Variants in FSD1 observed in about 807,000 individuals in gnomAD.
FSD1 encodes fibronectin type III and SPRY domain containing 1.
A neutral mutation model predicts 58.2 loss-of-function variants in FSD1; 23 were observed. The ratio of observed to expected loss-of-function variants is 0.40; its 90% confidence interval spans 0.28 to 0.56. The LOEUF is 0.56. Among genes scored for constraint, FSD1 ranks in the 20% least tolerant of loss-of-function variants. The probability of loss-of-function intolerance (pLI) is 0.54; values close to 1 mark genes in which losing one functional copy is unlikely to be tolerated. For missense variants in FSD1, 563 were observed against 670.8 expected (o/e 0.84, Z 1.78); for synonymous variants, 265 against 263.4 (o/e 1.01, Z -0.06).
chr19:4,306,391 C>T, intron 3 of FSD1, 62 bp downstream of exon 3: 2 of 1,577,482 alleles, frequency 1.3e-6, no homozygotes, highest in Non-Finnish European at 1.7e-6. Flanking sequence ...CGTAGCTGAC[C>T]TCGGCACCTT....
At chr19:4,310,211 C>G (rs1303210947) in intron 4 of FSD1, 62 bp from the exon 5 acceptor site, 3 of 1,589,472 alleles carry the variant, frequency 1.9e-6, no homozygotes, top group African/African-American at 1.3e-5. Flanking sequence ...GGCAACAGAG[C>G]AAGACTCCGT....
In FSD1 at chr19:4,311,835, T is replaced by G. The variant is rs747092389; in HGVS notation, c.491-7T>G. 12 of 1,613,996 alleles carry G rather than the reference T, an allele frequency of 7.4e-6. No homozygotes were observed. In the South Asian group the frequency reaches 1.2e-4, roughly 16 times the overall value. On this transcript the variant is annotated splice_polypyrimidine_tract_variant and splice_region_variant and intron_variant, in intron 6 of 12. Coordinates refer to ENST00000221856, the MANE Select transcript of FSD1 (RefSeq NM_024333.3). Reference sequence around the variant, plus strand: ...TCCCGACCCCCTCTCCTTTCCGTCTTGGTCAGTGCCCAGCGCACCCGTGAT... The same window carrying G: ...TCCCGACCCCCTCTCCTTTCCGTCTGGGTCAGTGCCCAGCGCACCCGTGAT...
intron 9 of FSD1, 105 bp downstream of exon 9, chr19:4,318,610 G>A: frequency 7.4e-6 from 8 of 1,081,154 alleles, no homozygotes; most frequent in Non-Finnish European, 1.1e-5. Flanking sequence ...GGGACCTGGG[G>A]CTGGTGGAAC....
intron 7 of FSD1, among the ~76,000 whole-genome samples, chr19:4,314,450 C>T (rs1187614005): frequency 6.6e-6 from 1 of 151,036 alleles, no homozygotes; most frequent in Non-Finnish European, 1.5e-5. Flanking sequence ...GCATAAAACC[C>T]GGGAAATGGA....
chr19:4,308,754 A>G (rs1971654242), intron 4 of FSD1, among the ~76,000 whole-genome samples: 1 of 151,904 alleles, frequency 6.6e-6, no homozygotes, highest in Non-Finnish European at 1.5e-5. Context: ...GCTACTCGGG[A>G]GGCTGAGGCA....
intron 3 of FSD1, 63 bp from the exon 4 acceptor site, chr19:4,307,819 G>A: frequency 8.3e-7 from 1 of 1,204,408 alleles, no homozygotes; most frequent in Non-Finnish European, 1.2e-6. Flanking sequence ...GGGGTGGGGA[G>A]CCCTCAGGGG....
At chr19:4,305,159 C>T (rs926099667) in intron 1 of FSD1, among the ~76,000 whole-genome samples, 1 of 148,436 alleles carries the variant, frequency 6.7e-6, no homozygotes, top group Admixed American at 6.7e-5. Context: ...AGGTTGGAGC[C>T]TGGGTCAGAG....
chr19:4,308,848 A>G (rs1339050791), intron 4 of FSD1, among the ~76,000 whole-genome samples: 1 of 149,140 alleles, frequency 6.7e-6, no homozygotes, highest in African/African-American at 2.5e-5. Context: ...ACAGAGCGAG[A>G]CTCCGTCGCA....
chr19:4,305,191 C>T (rs1040209235), intron 1 of FSD1, among the ~76,000 whole-genome samples: 4 of 149,092 alleles, frequency 2.7e-5, no homozygotes, highest in Non-Finnish European at 5.9e-5. Flanking sequence ...CGAGCGGGAT[C>T]CTCCCTCCCA....
At chr19:4,321,895 GA>G (rs1971822815) in intron 10 of FSD1, among the ~76,000 whole-genome samples, 1 of 151,474 alleles carries the variant, frequency 6.6e-6, no homozygotes, top group Non-Finnish European at 1.5e-5. Context: ...GATTATCTGG[GA>G]AGAATAGCTG....
At chr19:4,311,046 C>T (rs747185041) in intron 6 of FSD1, 20 of 162,498 alleles carry the variant, frequency 1.2e-4, no homozygotes, top group Non-Finnish European at 2.2e-4. Context: ...AAGCCCCACC[C>T]ACCAGGGGGT....
Position 4,318,339 on chromosome 19 carries a change from G to T in FSD1, c.800-7G>T. 1 of 1,613,646 alleles carries T rather than the reference G, an allele frequency of 6.2e-7. No homozygotes were observed. Among genetic ancestry groups the T allele is most frequent in the Non-Finnish European group, 8.5e-7 (1 of 1,179,968 alleles). Reference sequence around the variant, plus strand: ...TCTCTGTGACTCCCACGTCTGCCCGGCCCCAGCGTTCATGTTCCGCCTGGA... The same window carrying T: ...TCTCTGTGACTCCCACGTCTGCCCGTCCCCAGCGTTCATGTTCCGCCTGGA... On this transcript the variant is annotated splice_region_variant and splice_polypyrimidine_tract_variant and intron_variant, in intron 8 of 12. Coordinates refer to ENST00000221856, the MANE Select transcript of FSD1 (RefSeq NM_024333.3).
chr19:4,323,315 C>T lies in FSD1; in HGVS notation c.1292-33C>T, dbSNP rs764389765. On this transcript the variant is annotated intron_variant, in intron 11 of 12. Transcript: ENST00000221856. This position sits in a 1 kb window ranked among gnomAD's most constrained non-coding sequence, Gnocchi z 7.7. ...CGTCTGCCCCCATCCCACTTCTGAC[C>T]GGTCCCACTGTCACTCTGCCCCCCG... 13 of 1,609,006 alleles carry T rather than the reference C, an allele frequency of 8.1e-6. 1 individual carries two copies. Among genetic ancestry groups the T allele is most frequent in the South Asian group, 7.7e-5 (7 of 90,994 alleles).
intron 6 of FSD1, chr19:4,310,799 C>A (rs36112398): frequency 0.14 from 76,864 of 556,862 alleles, 5,851 homozygotes; most frequent in South Asian, 0.2. Context: ...TGGGAAGACC[C>A]CACCCACTGT....
intron 1 of FSD1, among the ~76,000 whole-genome samples, chr19:4,305,269 G>A (rs1388342198): frequency 6.7e-6 from 1 of 148,208 alleles, no homozygotes; most frequent in African/African-American, 2.5e-5. Flanking sequence ...CGCATCCCTG[G>A]CCCCCAGGTT....
chr19:4,322,965 C>T (rs758681742), intron 10 of FSD1, 21 bp from the exon 11 acceptor site: 4 of 1,598,574 alleles, frequency 2.5e-6, no homozygotes, highest in Non-Finnish European at 3.4e-6. Flanking sequence ...CCCTGCCCAC[C>T]CCTCCTGCCC....
intron 6 of FSD1, 50 bp from the exon 7 acceptor site, chr19:4,311,792 C>T (rs774411323): frequency 1.9e-6 from 3 of 1,580,878 alleles, no homozygotes; most frequent in Admixed American, 1.7e-5. Flanking sequence ...CCCCCTGCCC[C>T]CTGAACCAGG....
At chr19:4,310,212 A>G (rs1971672829) in intron 4 of FSD1, 61 bp from the exon 5 acceptor site, 3 of 1,593,294 alleles carry the variant, frequency 1.9e-6, no homozygotes, top group Admixed American at 1.7e-5. Flanking sequence ...GCAACAGAGC[A>G]AGACTCCGTC....
Position 4,304,743 on chromosome 19 carries a change from A to G in FSD1, c.-4A>G, listed in dbSNP as rs1429874235. ...GCCGGGCCGGGGTGACCTGGGCTGC[A>G]GCCATGGAAGAACAGAGGGTAGGAC... On this transcript the variant is annotated 5_prime_UTR_variant, in exon 1 of 13. Coordinates refer to ENST00000221856, the MANE Select transcript of FSD1 (RefSeq NM_024333.3). The G allele has an allele frequency of 2.2e-6, 2 of 918,282 alleles. No individual in the cohort carries two copies. Among genetic ancestry groups the G allele is most frequent in the African/African-American group, 3.8e-5 (2 of 52,262 alleles). 56.9% of individuals were successfully genotyped at this position (918,282 alleles called of 1,614,324 possible). A position where few individuals can be genotyped will look rare whatever the true frequency, so the allele number is the denominator to read the frequency against.
Sources: gnomAD v4.1 joint callset for allele counts (sites outside exome capture counted in the v4.1 genomes callset) on GRCh38, gnomAD v4.1.1 for gene constraint, Gnocchi (gnomAD v3.1) non-coding constraint, MANE v1.5 for transcripts, NCBI Gene and HGNC (gene_info 2026-07-23, HGNC 2026-07-21) for gene names.